Variants in ZBTB1 observed in about 807,000 individuals in gnomAD.
The protein encoded by ZBTB1 is zinc finger and BTB domain containing 1, also known as zinc finger and BTB domain-containing protein 1.
In ZBTB1, 13 loss-of-function variants were observed where a neutral mutation model predicts 51.6. That is an observed-to-expected ratio of 0.25 (90% confidence interval 0.16 to 0.40). The LOEUF (loss-of-function observed/expected upper bound fraction) is 0.40. Ranked by LOEUF, ZBTB1 falls within the 10% of genes least tolerant of loss-of-function variation. ZBTB1 has a pLI of 1.00. For missense variants in ZBTB1, 567 were observed against 856.5 expected (o/e 0.66, Z 4.22); for synonymous variants, 240 against 282.2 (o/e 0.85, Z 1.50).
chr14:64,513,553 A>G (rs555616701), intron 1 of ZBTB1, among the ~76,000 whole-genome samples: 1 of 152,308 alleles, frequency 6.6e-6, no homozygotes, highest in East Asian at 1.9e-4. Flanking sequence ...CTACTCATTC[A>G]TCAAGGCTTT....
At chr14:64,529,273 G>A (rs1410485816), downstream of ZBTB1, among the ~76,000 whole-genome samples, 1 of 152,078 alleles carries the variant, frequency 6.6e-6, no homozygotes, top group Non-Finnish European at 1.5e-5. Flanking sequence ...ACATTTCTAT[G>A]TCTGTGACCT....
chr14:64,516,437 T>C (rs1342260652), intron 1 of ZBTB1, among the ~76,000 whole-genome samples: 2 of 152,222 alleles, frequency 1.3e-5, no homozygotes, highest in Non-Finnish European at 2.9e-5. Context: ...TAGGTCAGCC[T>C]AAAAACTGTT....
intron 1 of ZBTB1, among the ~76,000 whole-genome samples, chr14:64,519,095 G>A (rs1338182348): frequency 6.7e-6 from 1 of 149,948 alleles, no homozygotes; most frequent in African/African-American, 2.4e-5. Flanking sequence ...AAAGAGGTGT[G>A]TGATCTGAGG....
chr14:64,504,696 C>A (rs2079609148), upstream of ZBTB1: 1 of 366,568 alleles, frequency 2.7e-6, no homozygotes, highest in South Asian at 1.5e-4. Context: ...GTGGGCAGAC[C>A]CGGAGTCGCC....
chr14:64,521,034 A>G (rs2079855073), intron 1 of ZBTB1, among the ~76,000 whole-genome samples: 1 of 151,914 alleles, frequency 6.6e-6, no homozygotes, highest in African/African-American at 2.4e-5. Context: ...TTAATTTTTT[A>G]AACTTTTTTG....
At chr14:64,506,529 G>A (rs1344404073) in intron 1 of ZBTB1, among the ~76,000 whole-genome samples, 2 of 152,122 alleles carry the variant, frequency 1.3e-5, no homozygotes, top group African/African-American at 2.4e-5. Context: ...GCGAGACTCT[G>A]TCTCAAAAAA....
At chr14:64,515,131 C>G (rs2079767186) in intron 1 of ZBTB1, among the ~76,000 whole-genome samples, 1 of 152,178 alleles carries the variant, frequency 6.6e-6, no homozygotes, top group Non-Finnish European at 1.5e-5. Flanking sequence ...TGCTAGAGTT[C>G]TGCACAGTGG....
chr14:64,525,444 T>C (rs1223010773), downstream of ZBTB1, among the ~76,000 whole-genome samples: 2 of 152,240 alleles, frequency 1.3e-5, no homozygotes, highest in Non-Finnish European at 2.9e-5. Context: ...ATATTACTGA[T>C]AGGAACCAGA....
chr14:64,527,731 C>G, downstream of ZBTB1, among the ~76,000 whole-genome samples: 1 of 152,052 alleles, frequency 6.6e-6, no homozygotes, highest in East Asian at 1.9e-4. Flanking sequence ...GAGATCATGC[C>G]ACAGCACTCC....
At chr14:64,520,603 C>T (rs1015087357) in intron 1 of ZBTB1, among the ~76,000 whole-genome samples, 4 of 152,066 alleles carry the variant, frequency 2.6e-5, no homozygotes, top group African/African-American at 9.7e-5. Context: ...ATCTATTGCT[C>T]CCCACACCCA....
At chr14:64,521,065 A>T (rs2079855500) in intron 1 of ZBTB1, among the ~76,000 whole-genome samples, 1 of 152,028 alleles carries the variant, frequency 6.6e-6, no homozygotes, top group East Asian at 1.9e-4. Context: ...GTCTCACACT[A>T]TTGCCCAGGC....
chr14:64,530,072 G>A (rs2079931884), intron 2 of ZBTB1, among the ~76,000 whole-genome samples: 1 of 152,054 alleles, frequency 6.6e-6, no homozygotes, highest in African/African-American at 2.4e-5. Flanking sequence ...GTTATTTAAT[G>A]GTTTAAGTGA....
chr14:64,520,458 G>A (rs1306478834), intron 1 of ZBTB1, among the ~76,000 whole-genome samples: 2 of 152,136 alleles, frequency 1.3e-5, no homozygotes, highest in East Asian at 3.9e-4. Context: ...GGGACTGCAG[G>A]TGCATCATCA....
chr14:64,514,442 G>T (rs2079758552), intron 1 of ZBTB1: 1 of 152,174 alleles, frequency 6.6e-6, no homozygotes, highest in Non-Finnish European at 1.5e-5. Flanking sequence ...ATTCCTTTAA[G>T]TTACTTCTTT....
At chr14:64,519,483 G>T (rs899885338) in intron 1 of ZBTB1, among the ~76,000 whole-genome samples, 1 of 150,132 alleles carries the variant, frequency 6.7e-6, no homozygotes, top group Non-Finnish European at 1.5e-5. Context: ...AATAGAAGAG[G>T]CCAGGTGCAG....
At chr14:64,508,486 G>A (rs1051784015) in intron 1 of ZBTB1, among the ~76,000 whole-genome samples, 3 of 152,144 alleles carry the variant, frequency 2.0e-5, no homozygotes, top group South Asian at 2.1e-4. Flanking sequence ...GTGACTCTAG[G>A]AGGCTTAGAA....
chr14:64,508,962 G>A (rs951836144), intron 1 of ZBTB1, among the ~76,000 whole-genome samples: 2 of 152,212 alleles, frequency 1.3e-5, no homozygotes, highest in Non-Finnish European at 2.9e-5. Context: ...TGCCTTAAGT[G>A]TGGTAACAGA....
In ZBTB1 at chr14:64,507,097, C is replaced by A. The variant is rs554038063; in HGVS notation, c.-19+2151C>A. 3.3e-5 allele frequency among the ~76,000 whole-genome samples: 5 copies of A among 152,228 alleles called. No homozygotes were observed. In the South Asian group the frequency reaches 1.0e-3, roughly 32 times the overall value. On this transcript the variant is annotated intron_variant, in intron 1 of 1. Coordinates refer to ENST00000683701, the MANE Select transcript of ZBTB1 (RefSeq NM_001123329.2). ...CCCTCTAGCCAGGAAAAGCACTAAG[C>A]CTTTGGTGCAAAGGAGAGGAAACTA... is the stretch of plus-strand genomic sequence containing the variant.
downstream of ZBTB1, chr14:64,525,077 C>A: frequency 2.9e-6 from 1 of 341,876 alleles, no homozygotes; most frequent in Non-Finnish European, 4.1e-6. Flanking sequence ...TCTTTTTGTT[C>A]ACATCATATT....
Sources: gnomAD v4.1 joint callset for allele counts (sites outside exome capture counted in the v4.1 genomes callset) on GRCh38, gnomAD v4.1.1 for gene constraint, MANE v1.5 for transcripts, NCBI Gene and HGNC (gene_info 2026-07-23, HGNC 2026-07-21) for gene names.